ADAMTS18: variants seen among roughly 807,000 people sequenced by gnomAD.
ADAMTS18 encodes the protein A disintegrin and metalloproteinase with thrombospondin motifs 18.
Under a neutral mutation model 165.9 loss-of-function variants are expected in ADAMTS18, and 157 were observed. The ratio of observed to expected loss-of-function variants is 0.95; its 90% CI spans 0.83 to 1.08. ADAMTS18 has a LOEUF of 1.08. Ranked by LOEUF, ADAMTS18 falls within the 50% of genes least tolerant of loss-of-function variation. The pLI is 0.00. For synonymous variants in ADAMTS18, 782 were observed against 578.2 expected (o/e 1.35, Z -5.06); for missense variants, 2,040 against 1,534.0 (o/e 1.33, Z -5.51).
intron 16 of ADAMTS18, among the ~76,000 whole-genome samples, chr16:77,301,893 A>G (rs998465677): frequency 6.6e-6 from 1 of 152,112 alleles, no homozygotes; most frequent in Non-Finnish European, 1.5e-5. Context: ...ACAAAACACA[A>G]CAGGTAGTAC....
chr16:77,293,368 A>G lies in ADAMTS18; in HGVS notation c.3007-110T>C, dbSNP rs921932140. On this transcript the variant is annotated intron_variant, in intron 19 of 22. Transcript: ENST00000282849. Reference sequence around the variant, plus strand: ...TCCTGTGAAAGGTGGGATAAACTCCATGAACTAAAGCTCTTTTTACGAGAT... The same window carrying G: ...TCCTGTGAAAGGTGGGATAAACTCCGTGAACTAAAGCTCTTTTTACGAGAT... 5 of 980,352 alleles carry G rather than the reference A, an allele frequency of 5.1e-6. No homozygotes were observed. The African/African-American group carries it at 6.5e-5, about 13-fold the overall frequency. 60.7% of individuals were successfully genotyped at this position (980,352 alleles called of 1,614,324 possible).
At chr16:77,336,274 C>G (rs115714282) in intron 11 of ADAMTS18, among the ~76,000 whole-genome samples, 1,631 of 152,168 alleles carry the variant, frequency 0.011, 29 homozygotes, top group African/African-American at 0.037. Context: ...AAGAACAATT[C>G]GGATCACTCA....
intron 3 of ADAMTS18, among the ~76,000 whole-genome samples, chr16:77,407,923 T>C (rs1401460022): frequency 6.6e-6 from 1 of 151,916 alleles, no homozygotes; most frequent in Non-Finnish European, 1.5e-5. Context: ...TTGCGAGAAA[T>C]TAAAATTTAA....
intron 3 of ADAMTS18, among the ~76,000 whole-genome samples, chr16:77,375,482 A>G (rs2056936405): frequency 1.3e-5 from 2 of 152,208 alleles, no homozygotes; most frequent in African/African-American, 4.8e-5. Flanking sequence ...AGGGGAGGTA[A>G]CGGAACACTT....
At chr16:77,334,821 T>TACTGTATACTATAGTATATAC (rs1567492166) in intron 12 of ADAMTS18, among the ~76,000 whole-genome samples, 2 of 124,756 alleles carry the variant, frequency 1.6e-5, no homozygotes, top group African/African-American at 6.1e-5. Flanking sequence ...ACAGTATATA[T>TACTGTATACTATAGTATATAC]ACTATATACT....
chr16:77,319,574 C>A, intron 16 of ADAMTS18, among the ~76,000 whole-genome samples: 1 of 152,118 alleles, frequency 6.6e-6, no homozygotes, highest in Non-Finnish European at 1.5e-5. Flanking sequence ...CCACTAATAG[C>A]TGGGATTACA....
chr16:77,393,245 C>G (rs950082238), intron 3 of ADAMTS18, among the ~76,000 whole-genome samples: 1 of 152,126 alleles, frequency 6.6e-6, no homozygotes, highest in East Asian at 1.9e-4. Flanking sequence ...GGGTACAACT[C>G]GAAGTTCAGG....
In ADAMTS18 at chr16:77,431,576, C is replaced by A; in HGVS notation, c.214G>T (p.Ala72Ser). The change falls in exon 3 of 23, where the codon GCC becomes TCC. Residue 72 changes from alanine (A) to serine (S), a missense_variant. Ala to Ser is a moderately conservative substitution (Grantham distance 99). Coordinates refer to ENST00000282849, the MANE Select transcript of ADAMTS18 (RefSeq NM_199355.4). ...ATGTCGTGTGAAATATATGACCCGG[C>A]TGAGTCTACTTCTACTGGCGTGACA... ...VFVTPVEVDS[A>S]GSYISHDILH... The A allele has an allele frequency of 6.2e-7, 1 of 1,614,144 alleles. No homozygotes were observed. The highest frequency in any genetic ancestry group is 2.2e-5 in the East Asian group (1 of 44,882).
At chr16:77,400,373 C>T (rs2057310083) in intron 3 of ADAMTS18, among the ~76,000 whole-genome samples, 1 of 151,688 alleles carries the variant, frequency 6.6e-6, no homozygotes, top group Non-Finnish European at 1.5e-5. Context: ...CCTGGGACTA[C>T]CCCTGATTAA....
chr16:77,297,192 C>T, intron 18 of ADAMTS18, 97 bp downstream of exon 18: 1 of 1,516,076 alleles, frequency 6.6e-7, no homozygotes, highest in Non-Finnish European at 9.1e-7. Flanking sequence ...AATCACTTTC[C>T]ATTAGCAGTA....
chr16:77,375,915 T>G (rs926983871), intron 3 of ADAMTS18, among the ~76,000 whole-genome samples: 4 of 63,210 alleles, frequency 6.3e-5, no homozygotes, highest in Non-Finnish European at 1.4e-4. Context: ...TTTTTTTTTT[T>G]TTTTTGAGAC....
chr16:77,309,159 C>A (rs2055734151), intron 16 of ADAMTS18, among the ~76,000 whole-genome samples: 1 of 151,466 alleles, frequency 6.6e-6, no homozygotes, highest in South Asian at 2.1e-4. Context: ...ATCTCAGAAA[C>A]TATGTGACTG....
chr16:77,312,464 C>T (rs2055800945), intron 16 of ADAMTS18, among the ~76,000 whole-genome samples: 1 of 152,148 alleles, frequency 6.6e-6, no homozygotes, highest in Non-Finnish European at 1.5e-5. Flanking sequence ...TCTCGAACTC[C>T]TGACCTCAGG....
At chr16:77,429,570 A>C (rs1225223452) in intron 3 of ADAMTS18, among the ~76,000 whole-genome samples, 1 of 152,176 alleles carries the variant, frequency 6.6e-6, no homozygotes, top group Admixed American at 6.5e-5. Flanking sequence ...CTTCACTTGT[A>C]CCCCTGAACC....
chr16:77,412,670 C>T lies in ADAMTS18; in HGVS notation c.495+18625G>A, dbSNP rs548081106. ...AAGGTGAAACGCACGTCTTACATGG[C>T]AGCAGGCAAGAGAGAATGAGAACCA... On this transcript the variant is annotated intron_variant, in intron 3 of 22. Transcript: ENST00000282849. 2.0e-5 allele frequency among the ~76,000 whole-genome samples: 3 copies of T among 152,242 alleles called. No individual in the cohort carries two copies. The East Asian group carries it at 5.8e-4, about 29-fold the overall frequency.
chr16:77,342,256 A>G (rs188452579), intron 10 of ADAMTS18, among the ~76,000 whole-genome samples: 1 of 152,224 alleles, frequency 6.6e-6, no homozygotes, highest in Non-Finnish European at 1.5e-5. Flanking sequence ...TCAAATGAGC[A>G]CTTGACTCTA....
At chr16:77,383,003 C>T (rs567361049) in intron 3 of ADAMTS18, among the ~76,000 whole-genome samples, 2 of 152,320 alleles carry the variant, frequency 1.3e-5, no homozygotes, top group Admixed American at 1.3e-4. Flanking sequence ...TCCTCCAATC[C>T]TTCTTTGCTC....
chr16:77,363,171 A>G (rs2056740809), intron 6 of ADAMTS18, among the ~76,000 whole-genome samples: 2 of 152,216 alleles, frequency 1.3e-5, no homozygotes. Flanking sequence ...AACACTACAA[A>G]GCAGTGAGTA....
At position 77,295,035 on chromosome 16, in the gene ADAMTS18, T is replaced by C. The variant is rs754876272; in HGVS notation, c.2894A>G (p.Gln965Arg). 1.9e-6 allele frequency: 3 copies of C among 1,614,204 alleles called. No individual in the cohort carries two copies. The highest frequency in any genetic ancestry group is 2.5e-6 in the Non-Finnish European group (3 of 1,180,040). ...KIQCVQKKPF[Q>R]KEEAVLHSLC... Reference sequence around the variant, plus strand: ...AGAATGCAACACTGCTTCCTCCTTTTGGAAGGGCTTCTTTTGCACACACTG... The same window carrying C: ...AGAATGCAACACTGCTTCCTCCTTTCGGAAGGGCTTCTTTTGCACACACTG... The change falls in exon 19 of 23, where the codon CAA (glutamine) becomes CGA (arginine). Residue 965 changes from glutamine (Q) to arginine (R), a missense_variant. By Grantham distance (43) the Gln-to-Arg change is conservative. Transcript: ENST00000282849.
Sources: gnomAD v4.1 joint callset for allele counts (sites outside exome capture counted in the v4.1 genomes callset) on GRCh38, gnomAD v4.1.1 for gene constraint, MANE v1.5 for transcripts, NCBI Gene and HGNC (gene_info 2026-07-23, HGNC 2026-07-21) for gene names.